PTPRN2: variants seen among roughly 807,000 people sequenced by gnomAD.
The protein encoded by PTPRN2 is receptor-type tyrosine-protein phosphatase N2.
Under a neutral mutation model 118.8 loss-of-function variants are expected in PTPRN2, and 74 were observed. That is an observed-to-expected ratio of 0.62 (90% CI 0.52 to 0.76). PTPRN2 has a LOEUF of 0.76. Ranked by LOEUF, PTPRN2 falls within the 30% of genes least tolerant of loss-of-function variation. The probability of loss-of-function intolerance (pLI) is 0.00; values close to 1 mark genes in which losing one functional copy is unlikely to be tolerated. For synonymous variants in PTPRN2, 641 were observed against 608.0 expected (o/e 1.05, Z -0.80); for missense variants, 1,481 against 1,394.4 (o/e 1.06, Z -0.99).
At chr7:158,557,055 CCAGGCAGGTGGCTCCCGCG>C (rs1228788645) in intron 1 of PTPRN2, among the ~76,000 whole-genome samples, 3 of 137,978 alleles carry the variant, frequency 2.2e-5, no homozygotes, top group Non-Finnish European at 4.7e-5. Flanking sequence ...CAGGTCACTC[CCAGGCAGGTGGCTCCCGCG>C]CAGGTCAGGC....
chr7:157,800,780 G>A (rs1006935109), intron 12 of PTPRN2, among the ~76,000 whole-genome samples: 9 of 151,724 alleles, frequency 5.9e-5, no homozygotes, highest in East Asian at 1.9e-4. Flanking sequence ...GTGAAACCCC[G>A]TCTCTACTAA....
At chr7:158,173,694 T>A (rs1291234720) in intron 5 of PTPRN2, among the ~76,000 whole-genome samples, 1 of 152,204 alleles carries the variant, frequency 6.6e-6, no homozygotes, top group Non-Finnish European at 1.5e-5. Flanking sequence ...TCATCTCTTA[T>A]CTTCAACTGC....
At chr7:157,931,426 G>A (rs1031987989) in intron 11 of PTPRN2, among the ~76,000 whole-genome samples, 5 of 152,208 alleles carry the variant, frequency 3.3e-5, no homozygotes, top group East Asian at 1.9e-4. Flanking sequence ...GAGCAGAGCC[G>A]TCAGCACAAC....
intron 6 of PTPRN2, among the ~76,000 whole-genome samples, chr7:158,163,536 TTC>T (rs1312579017): frequency 6.7e-6 from 1 of 148,414 alleles, no homozygotes; most frequent in Non-Finnish European, 1.5e-5. Context: ...GTGATCAATA[TTC>T]TCTGTGTATT....
chr7:158,251,326 G>A (rs1796640554), intron 3 of PTPRN2, among the ~76,000 whole-genome samples: 1 of 152,192 alleles, frequency 6.6e-6, no homozygotes, highest in Admixed American at 6.5e-5. Flanking sequence ...CCTCCTTACT[G>A]CACGGATATG....
intron 1 of PTPRN2, among the ~76,000 whole-genome samples, chr7:158,547,752 C>T (rs1047280578): frequency 6.6e-6 from 1 of 152,188 alleles, no homozygotes; most frequent in Non-Finnish European, 1.5e-5. Context: ...AGGAATGCCT[C>T]ATCAGCCCCC....
chr7:157,872,345 C>A (rs1157783942), intron 12 of PTPRN2, among the ~76,000 whole-genome samples: 1 of 140,212 alleles, frequency 7.1e-6, no homozygotes, highest in Non-Finnish European at 1.6e-5. Context: ...AGTGTCCTCC[C>A]CCCACACACA....
chr7:158,353,460 C>G (rs1044992010), intron 2 of PTPRN2, among the ~76,000 whole-genome samples: 2 of 152,234 alleles, frequency 1.3e-5, no homozygotes, highest in African/African-American at 2.4e-5. Context: ...CTAAAACCAT[C>G]TGCTGTCTTC....
At position 158,047,716 on chromosome 7, in the gene PTPRN2, C is replaced by T. The variant is rs531480598; in HGVS notation, c.1723+33582G>A. ...CATGTTAGAGGCCACCGGGGAGGGA[C>T]AGCTGCTGGGCACAGCTGGTGCACT... On this transcript the variant is annotated intron_variant, in intron 11 of 22. Coordinates refer to ENST00000389418, the MANE Select transcript of PTPRN2 (RefSeq NM_002847.5). Among the ~76,000 whole-genome samples, 203 of 152,352 alleles carry T rather than the reference C, an allele frequency of 1.3e-3. 1 individual carries two copies. Among genetic ancestry groups the T allele is most frequent in the Middle Eastern group, 3.4e-3 (1 of 294 alleles).
chr7:158,300,025 C>A (rs942254504), intron 3 of PTPRN2, among the ~76,000 whole-genome samples: 3 of 152,322 alleles, frequency 2.0e-5, no homozygotes, highest in African/African-American at 7.2e-5. Flanking sequence ...CCAAGAAACA[C>A]ATTTTTCCCA....
At chr7:157,693,694 G>A (rs946846357) in intron 12 of PTPRN2, among the ~76,000 whole-genome samples, 9 of 152,128 alleles carry the variant, frequency 5.9e-5, no homozygotes, top group African/African-American at 2.2e-4. Flanking sequence ...CGGCCAGGCC[G>A]GCTCCGGGCA....
intron 2 of PTPRN2, among the ~76,000 whole-genome samples, chr7:158,477,842 C>T (rs888229559): frequency 1.3e-5 from 2 of 152,216 alleles, no homozygotes; most frequent in East Asian, 1.9e-4. Context: ...ACTGAAAGCT[C>T]AGCCAAGCCA....
In PTPRN2 at chr7:158,198,207, C is replaced by T. The variant is rs115656939; in HGVS notation, c.381-5712G>A. 6.7e-3 allele frequency among the ~76,000 whole-genome samples: 1,024 copies of T among 152,238 alleles called. 13 individuals are homozygous for T. The highest frequency in any genetic ancestry group is 0.023 in the African/African-American group (954 of 41,534). ...GTATTCATCTTTGCTTCGCCTCTGT[C>T]CATGCCTGGGGACTTGTTTGTGATG... is the stretch of plus-strand genomic sequence containing the variant. On this transcript the variant is annotated intron_variant, in intron 4 of 22. Coordinates refer to ENST00000389418, the MANE Select transcript of PTPRN2 (RefSeq NM_002847.5).
intron 13 of PTPRN2, among the ~76,000 whole-genome samples, chr7:157,659,483 G>A (rs1181126513): frequency 4.5e-5 from 6 of 133,204 alleles, no homozygotes; most frequent in African/African-American, 1.6e-4. Flanking sequence ...GGGGCGGGGG[G>A]GATGACTATG....
intron 12 of PTPRN2, among the ~76,000 whole-genome samples, chr7:157,835,070 T>C (rs554304355): frequency 6.6e-6 from 1 of 151,914 alleles, no homozygotes; most frequent in Non-Finnish European, 1.5e-5. Flanking sequence ...TGAGAATGAG[T>C]GAAGAGGGAA....
chr7:158,144,680 G>A (rs1819723908), intron 6 of PTPRN2, among the ~76,000 whole-genome samples: 1 of 152,208 alleles, frequency 6.6e-6, no homozygotes, highest in Non-Finnish European at 1.5e-5. Context: ...AGGCATCCCG[G>A]GGTGGAGCGC....
At chr7:158,277,668 C>T (rs1167723037) in intron 3 of PTPRN2, among the ~76,000 whole-genome samples, 1 of 152,196 alleles carries the variant, frequency 6.6e-6, no homozygotes, top group Non-Finnish European at 1.5e-5. Flanking sequence ...TAGCTCTGGC[C>T]TTGCCTCCAA....
At chr7:157,655,868 G>C (rs1428992686) in intron 14 of PTPRN2, among the ~76,000 whole-genome samples, 3 of 152,030 alleles carry the variant, frequency 2.0e-5, no homozygotes, top group Non-Finnish European at 4.4e-5. Flanking sequence ...TGAGCCTCTG[G>C]CCGGCGCCAC....
intron 22 of PTPRN2, among the ~76,000 whole-genome samples, chr7:157,542,178 G>A (rs1376721819): frequency 6.6e-6 from 1 of 152,200 alleles, no homozygotes; most frequent in Non-Finnish European, 1.5e-5. Flanking sequence ...CAAACGTTCT[G>A]TCTAAATGCT....
Sources: allele counts gnomAD v4.1 joint callset (sites outside exome capture counted in the v4.1 genomes callset), GRCh38; gene constraint gnomAD v4.1.1; transcripts MANE v1.5; gene names NCBI Gene and HGNC (gene_info 2026-07-23, HGNC 2026-07-21).